The following ZSWIM5 variants were observed in gnomAD, a reference collection of about 807,000 sequenced individuals.
ZSWIM5 encodes zinc finger SWIM-type containing 5, also known as zinc finger SWIM domain-containing protein 5.
ZSWIM5 carries 55 observed loss-of-function variants against 119.6 expected under a neutral mutation model. The ratio of observed to expected loss-of-function variants is 0.46; its 90% CI spans 0.37 to 0.58. The LOEUF (loss-of-function observed/expected upper bound fraction) is 0.58. ZSWIM5 is among the 20% of genes least tolerant of loss of function. The pLI is 0.00. For missense variants in ZSWIM5, 1,193 were observed against 1,512.8 expected (o/e 0.79, Z 3.51); for synonymous variants, 537 against 606.9 (o/e 0.88, Z 1.69).
chr1:45,172,962 G>A (rs1462692433), intron 1 of ZSWIM5, among the ~76,000 whole-genome samples: 1 of 151,900 alleles, frequency 6.6e-6, no homozygotes, highest in Non-Finnish European at 1.5e-5. Context: ...CCAGGAATTC[G>A]AGACCAGCCT....
At chr1:45,126,593 T>C (rs1452919922) in intron 1 of ZSWIM5, among the ~76,000 whole-genome samples, 2 of 152,058 alleles carry the variant, frequency 1.3e-5, no homozygotes, top group Non-Finnish European at 2.9e-5. Flanking sequence ...TACTGGAGAA[T>C]CCTACCAAAT....
chr1:45,176,186 A>T (rs1645980371), intron 1 of ZSWIM5, among the ~76,000 whole-genome samples: 1 of 150,538 alleles, frequency 6.6e-6, no homozygotes, highest in Admixed American at 6.7e-5. Context: ...ACTAAAAACC[A>T]TGAGTTCACG....
chr1:45,133,236 G>A (rs1342496566), intron 1 of ZSWIM5, among the ~76,000 whole-genome samples: 1 of 152,132 alleles, frequency 6.6e-6, no homozygotes, highest in Non-Finnish European at 1.5e-5. Context: ...ACCAACAGTG[G>A]AAAAGTGTTC....
intron 1 of ZSWIM5, among the ~76,000 whole-genome samples, chr1:45,131,882 TA>T (rs1011559372): frequency 6.6e-6 from 1 of 151,480 alleles, no homozygotes; most frequent in African/African-American, 2.4e-5. Context: ...ACAAGTGATA[TA>T]AAAGTTATAT....
chr1:45,060,152 A>G lies in ZSWIM5; in HGVS notation c.1048T>C (p.Ser350Pro). 1 of 1,614,202 alleles carries G rather than the reference A, an allele frequency of 6.2e-7. No homozygotes were observed. Among genetic ancestry groups the G allele is most frequent in the African/African-American group, 1.3e-5 (1 of 75,030 alleles). ...QVKEQVKLFL[S>P]QGGYCGSGKQ... ...CCAGAGCCACAGTAACCGCCCTGGGAGAGAAAAAGCTTCACTTGTTCTTTC... is the reference window on the plus strand; with the variant it reads ...CCAGAGCCACAGTAACCGCCCTGGGGGAGAAAAAGCTTCACTTGTTCTTTC... Residue 350 changes from serine (S) to proline (P), a missense_variant, in exon 3 of 14, where the codon TCC (serine) becomes CCC (proline). Ser to Pro is a moderately conservative substitution (Grantham distance 74). Around this residue, in one of 2 missense-constraint regions of ZSWIM5, gnomAD observed 961 missense variants for 1,290.0 expected, o/e 0.74. Coordinates refer to ENST00000359600, the MANE Select transcript of ZSWIM5 (RefSeq NM_020883.2).
At chr1:45,071,898 A>G (rs890835541) in intron 2 of ZSWIM5, among the ~76,000 whole-genome samples, 7 of 152,300 alleles carry the variant, frequency 4.6e-5, no homozygotes, top group African/African-American at 1.7e-4. Context: ...ACAAACATGC[A>G]AGTGCAGACC....
At chr1:45,024,336 C>G (rs12239165) in intron 11 of ZSWIM5, among the ~76,000 whole-genome samples, 1 of 150,866 alleles carries the variant, frequency 6.6e-6, no homozygotes, top group Non-Finnish European at 1.5e-5. Flanking sequence ...GGATTACAGG[C>G]GTGCGCCACC....
chr1:45,018,381 G>A lies in ZSWIM5; in HGVS notation c.*73C>T. 1 of 1,547,310 alleles carries A rather than the reference G, an allele frequency of 6.5e-7. No homozygotes were observed. Among genetic ancestry groups the A allele is most frequent in the Non-Finnish European group, 8.7e-7 (1 of 1,145,036 alleles). Reference sequence around the variant, plus strand: ...CAGAGTTCTCTCAGGGTGGACAAATGTTTCAGTGCCCTTGGCCTGACCTGA... The same window carrying A: ...CAGAGTTCTCTCAGGGTGGACAAATATTTCAGTGCCCTTGGCCTGACCTGA... On this transcript the variant is annotated 3_prime_UTR_variant, in exon 14 of 14. Transcript: ENST00000359600. The surrounding 1 kb of genome is among the most constrained non-coding windows in gnomAD (Gnocchi z 6.7).
chr1:45,180,426 G>A (rs554751997), intron 1 of ZSWIM5, among the ~76,000 whole-genome samples: 30 of 152,276 alleles, frequency 2.0e-4, no homozygotes, highest in Non-Finnish European at 3.7e-4. Flanking sequence ...CAAAGCAGCC[G>A]GGAAGCTCCA....
chr1:45,068,792 CTTTTTTT>C (rs758235271), intron 2 of ZSWIM5, among the ~76,000 whole-genome samples: 1 of 46,730 alleles, frequency 2.1e-5, no homozygotes, highest in Non-Finnish European at 3.6e-5. Context: ...TGTTGTATGT[CTTTTTTT>C]TTTTTTTTTT....
chr1:45,166,859 A>G (rs1392846103), intron 1 of ZSWIM5, among the ~76,000 whole-genome samples: 4 of 150,938 alleles, frequency 2.7e-5, no homozygotes, highest in East Asian at 2.0e-4. Flanking sequence ...ATGCTCATGG[A>G]TAGGAAGAAT....
intron 7 of ZSWIM5, among the ~76,000 whole-genome samples, chr1:45,039,638 C>T (rs760850106): frequency 6.6e-6 from 1 of 151,962 alleles, no homozygotes; most frequent in Non-Finnish European, 1.5e-5. Flanking sequence ...ACCCGATTCA[C>T]CCTACCAAAG....
At chr1:45,068,353 G>A (rs1645198586) in intron 2 of ZSWIM5, among the ~76,000 whole-genome samples, 1 of 151,812 alleles carries the variant, frequency 6.6e-6, no homozygotes, top group Admixed American at 6.6e-5. Flanking sequence ...TGATCTGCCT[G>A]CCCCAGCCTC....
At chr1:45,050,425 C>T (rs749228217) in intron 5 of ZSWIM5, among the ~76,000 whole-genome samples, 11 of 152,084 alleles carry the variant, frequency 7.2e-5, no homozygotes, top group Non-Finnish European at 1.5e-4. Context: ...CCAATAAAGG[C>T]TCTCAATAGG....
chr1:45,205,949 C>T lies in ZSWIM5; in HGVS notation c.402G>A (p.Pro134=), dbSNP rs1362849203. 2 of 1,265,574 alleles carry T rather than the reference C, an allele frequency of 1.6e-6. No homozygotes were observed. The highest frequency in any genetic ancestry group is 2.0e-6 in the Non-Finnish European group (2 of 1,004,178). The allele number at this position is 1,265,574 out of a possible 1,614,324, so 78.4% of individuals were successfully genotyped here. A position where few individuals can be genotyped will look rare whatever the true frequency, so the allele number is the denominator to read the frequency against. ...GGGGTGGCTGCGGCCCCTCCTCGGC[C>T]GGCGAAGCCCCCGCGGCGCCGCCAG... ...GAAGGAAGAS[P]AEEGPQPPPG... The change falls in exon 1 of 14, where the codon CCG becomes CCA. Residue 134 remains proline, a synonymous_variant. Transcript: ENST00000359600.
rs747603565 is a variant in ZSWIM5 at position 45,040,511 on chromosome 1, A to G, written c.1637T>C (p.Val546Ala). The change falls in exon 7 of 14, where the codon GTT becomes GCT. Residue 546 changes from valine to alanine, a missense_variant. Transcript: ENST00000359600. ...ATAACCATGGGAACGCAGGGCGTCA[A>G]CTCGAGCACAGGCTGTAGGCACATG... The part of the protein sequence containing the change: ...LEHVPTACAR[V>A]DALRSHGYPK... 5.0e-6 allele frequency: 8 copies of G among 1,611,246 alleles called. No individual in the cohort carries two copies. The highest frequency in any genetic ancestry group is 5.9e-6 in the Non-Finnish European group (7 of 1,178,702).
chr1:45,042,961 A>G (rs1403611826), intron 6 of ZSWIM5, among the ~76,000 whole-genome samples: 2 of 152,232 alleles, frequency 1.3e-5, no homozygotes, highest in African/African-American at 4.8e-5. Flanking sequence ...ATGCTCTTTG[A>G]GATGCATTAA....
chr1:45,205,719 A>T, intron 1 of ZSWIM5, 37 bp downstream of exon 1: 1 of 1,503,610 alleles, frequency 6.7e-7, no homozygotes, highest in South Asian at 1.2e-5. Flanking sequence ...GCGGAAGAGG[A>T]GGCTGAGGAC....
chr1:45,198,582 T>A (rs1169387037), intron 1 of ZSWIM5, among the ~76,000 whole-genome samples: 1 of 152,176 alleles, frequency 6.6e-6, no homozygotes, highest in Non-Finnish European at 1.5e-5. Context: ...ACCACAACAA[T>A]GTTCCTGCTC....
Sources: allele counts gnomAD v4.1 joint callset (sites outside exome capture counted in the v4.1 genomes callset), GRCh38; gene constraint gnomAD v4.1.1; regional missense constraint gnomAD v4.1.1; non-coding constraint Gnocchi (gnomAD v3.1); transcripts MANE v1.5; gene names NCBI Gene and HGNC (gene_info 2026-07-23, HGNC 2026-07-21).